MARCHF6: variants seen among roughly 807,000 people sequenced by gnomAD.
MARCHF6 encodes E3 ubiquitin-protein ligase MARCHF6.
MARCHF6 carries 31 observed loss-of-function variants against 133.7 expected under a neutral mutation model. The observed-to-expected ratio is 0.23, with a 90% CI of 0.17 to 0.31. The LOEUF (loss-of-function observed/expected upper bound fraction) is 0.31, where lower values mean the gene tolerates loss of function less well. Among genes scored for constraint, MARCHF6 ranks in the 10% least tolerant of loss-of-function variants. The probability of loss-of-function intolerance (pLI) is 1.00; values close to 1 mark genes in which losing one functional copy is unlikely to be tolerated. For synonymous variants in MARCHF6, 395 were observed against 402.5 expected (o/e 0.98, Z 0.22); for missense variants, 723 against 1,121.6 (o/e 0.64, Z 5.08).
At chr5:10,366,090 A>G (rs1486670103) in intron 1 of MARCHF6, among the ~76,000 whole-genome samples, 3 of 151,992 alleles carry the variant, frequency 2.0e-5, no homozygotes, top group African/African-American at 7.3e-5. Flanking sequence ...GTGCTGCCAT[A>G]CCTGGCTAGT....
rs1740698408 is a variant in MARCHF6 at position 10,437,487 on chromosome 5, C to G, written c.*3803C>G. 1 of 152,190 alleles carries G rather than the reference C, an allele frequency of 6.6e-6. No individual in the cohort carries two copies. Among genetic ancestry groups the G allele is most frequent in the Non-Finnish European group, 1.5e-5 (1 of 68,032 alleles). 9.4% of individuals were successfully genotyped at this position (152,190 alleles called of 1,614,324 possible). A position where few individuals can be genotyped will look rare whatever the true frequency, so the allele number is the denominator to read the frequency against. On this transcript the variant is annotated 3_prime_UTR_variant, in exon 26 of 26. Coordinates refer to ENST00000274140, the MANE Select transcript of MARCHF6 (RefSeq NM_005885.4). ...CTGTGCCATTTTTAAAAATAGCCAT[C>G]ATGAGTAAGGGCTTCTTTAAAATAA...
chr5:10,392,159 C>A (rs115634986), intron 7 of MARCHF6, among the ~76,000 whole-genome samples: 4,768 of 152,140 alleles, frequency 0.031, 238 homozygotes, highest in African/African-American at 0.11. Context: ...GGGGTTTCAC[C>A]GTGTTACCAG....
At chr5:10,415,146 A>G (rs866558745) in intron 20 of MARCHF6, among the ~76,000 whole-genome samples, 5 of 152,256 alleles carry the variant, frequency 3.3e-5, no homozygotes, top group African/African-American at 7.2e-5. Context: ...CTTTTGTCCT[A>G]TTATTTGCAT....
chr5:10,384,796 C>T (rs372815010), intron 4 of MARCHF6, among the ~76,000 whole-genome samples: 1 of 152,220 alleles, frequency 6.6e-6, no homozygotes, highest in African/African-American at 2.4e-5. Flanking sequence ...GCAGTATCTA[C>T]TGATGCTAAA....
intron 3 of MARCHF6, among the ~76,000 whole-genome samples, chr5:10,380,155 TTGTGTGTGTGTGTGTGTG>T (rs200405883): frequency 8.2e-5 from 12 of 145,752 alleles, no homozygotes; most frequent in Non-Finnish European, 1.5e-4. Flanking sequence ...TGTGTTTTAG[TTGTGTGTGTGTGTGTGTG>T]TGTGTGTGTG....
intron 19 of MARCHF6, chr5:10,413,441 G>GATCC (rs1001468996): frequency 2.0e-5 from 3 of 152,146 alleles, no homozygotes; most frequent in African/African-American, 7.2e-5. Flanking sequence ...GTCTTGTGGA[G>GATCC]ATCCACCTGG....
rs1310491145 is a variant in MARCHF6, at chr5:10,391,640, G to C, written c.675G>C (p.Gln225His). The C allele has an allele frequency of 6.2e-7, 1 of 1,611,780 alleles. No homozygotes were observed. Among genetic ancestry groups the C allele is most frequent in the African/African-American group, 1.3e-5 (1 of 74,710 alleles). The change falls in exon 7 of 26, where the codon CAG (glutamine) becomes CAC (histidine). Residue 225 changes from glutamine (Q) to histidine (H), a missense_variant. Around this residue, in one of 4 missense-constraint regions of MARCHF6, gnomAD observed 97 missense variants for 115.4 expected, o/e 0.84. Transcript: ENST00000274140. The part of the protein sequence containing the change: ...NAVVGENPDA[Q>H]DDQAEEEEED... ...TGGTGGGGGAAAACCCTGATGCCCA[G>C]GATGACCAGGCAGAAGAGGAGGAGG...
chr5:10,411,135 A>T (rs532427609), intron 18 of MARCHF6, among the ~76,000 whole-genome samples, 198 bp from the exon 19 acceptor site: 49 of 152,334 alleles, frequency 3.2e-4, no homozygotes, highest in African/African-American at 1.1e-3. Flanking sequence ...GGGATATCCT[A>T]CAAGTTCATT....
chr5:10,366,368 A>C (rs1736137538), intron 1 of MARCHF6, among the ~76,000 whole-genome samples: 1 of 152,254 alleles, frequency 6.6e-6, no homozygotes, highest in African/African-American at 2.4e-5. Context: ...ATTGTCTACT[A>C]TAATTGTAGC....
chr5:10,415,325 T>A lies in MARCHF6; in HGVS notation c.1967-163T>A. Reference sequence around the variant, plus strand: ...GTTGTGATTTCATCAAATTGTGTACTCTTTAGACATTGTGATTTTTGTCTT... The same window carrying A: ...GTTGTGATTTCATCAAATTGTGTACACTTTAGACATTGTGATTTTTGTCTT... On this transcript the variant is annotated intron_variant, in intron 20 of 25. Transcript: ENST00000274140. 2.6e-5 allele frequency: 17 copies of A among 653,658 alleles called. No homozygotes were observed. The South Asian group carries it at 3.2e-4, about 12-fold the overall frequency. The allele number at this position is 653,658 out of a possible 1,614,324, so 40.5% of individuals were successfully genotyped here.
chr5:10,429,864 C>T, intron 24 of MARCHF6, 29 bp from the exon 25 acceptor site: 2 of 1,597,680 alleles, frequency 1.3e-6, no homozygotes, highest in South Asian at 1.1e-5. Flanking sequence ...TTCACATACA[C>T]TGAAAGTTTT....
At chr5:10,385,623 G>A (rs558579128) in intron 4 of MARCHF6, among the ~76,000 whole-genome samples, 8 of 152,198 alleles carry the variant, frequency 5.3e-5, no homozygotes, top group African/African-American at 1.9e-4. Flanking sequence ...GTTAGCAAAT[G>A]GCTAACAAAA....
chr5:10,395,020 C>CG (rs1738101219), intron 9 of MARCHF6, among the ~76,000 whole-genome samples: 1 of 152,014 alleles, frequency 6.6e-6, no homozygotes, highest in African/African-American at 2.4e-5. Flanking sequence ...AGGATGGTCT[C>CG]GATCTCCTGA....
chr5:10,420,989 C>G (rs1328932771), intron 22 of MARCHF6, among the ~76,000 whole-genome samples: 2 of 150,126 alleles, frequency 1.3e-5, no homozygotes, highest in Admixed American at 6.6e-5. Context: ...TTCTAGCACT[C>G]TTACTGAGGG....
intron 1 of MARCHF6, among the ~76,000 whole-genome samples, chr5:10,359,085 A>G (rs1735655356): frequency 6.6e-6 from 1 of 152,224 alleles, no homozygotes; most frequent in Non-Finnish European, 1.5e-5. Flanking sequence ...GTATATGGTA[A>G]AAAGTATCTC....
In MARCHF6 at chr5:10,439,806, C is replaced by G. The variant is rs543182831; in HGVS notation, c.*6122C>G. ...ATGCTGGGCAAAACATGAAGCACCC[C>G]TTTTCTCCCTTCTCTGACCCCATCA... is the stretch of plus-strand genomic sequence containing the variant. On this transcript the variant is annotated 3_prime_UTR_variant, in exon 26 of 26. Transcript: ENST00000274140. 6.6e-6 allele frequency: 1 copy of G among 152,560 alleles called. No individual in the cohort carries two copies. Among genetic ancestry groups the G allele is most frequent in the Non-Finnish European group, 1.5e-5 (1 of 68,232 alleles). 9.5% of individuals were successfully genotyped at this position (152,560 alleles called of 1,614,324 possible).
intron 1 of MARCHF6, among the ~76,000 whole-genome samples, chr5:10,368,832 C>T (rs1386717959): frequency 1.3e-5 from 2 of 152,138 alleles, no homozygotes; most frequent in Non-Finnish European, 2.9e-5. Context: ...CATGGCCTCC[C>T]AAAGTGTTGG....
At position 10,386,976 on chromosome 5, in the gene MARCHF6, C is replaced by A; in HGVS notation, c.335-18C>A. ...GATGCGAGTTGTGACTGTGTGCCAT[C>A]ATGCTCTTTTTCGGTAGGCCGCATC... On this transcript the variant is annotated intron_variant, in intron 4 of 25. Coordinates refer to ENST00000274140, the MANE Select transcript of MARCHF6 (RefSeq NM_005885.4). 6.2e-7 allele frequency: 1 copy of A among 1,607,568 alleles called. No homozygotes were observed. Among genetic ancestry groups the A allele is most frequent in the Non-Finnish European group, 8.5e-7 (1 of 1,174,156 alleles).
intron 4 of MARCHF6, among the ~76,000 whole-genome samples, chr5:10,383,199 G>A (rs1282992744): frequency 6.6e-6 from 1 of 152,188 alleles, no homozygotes; most frequent in African/African-American, 2.4e-5. Context: ...GCTAGAAAAT[G>A]TATCAAGGAA....
Sources: allele counts gnomAD v4.1 joint callset (sites outside exome capture counted in the v4.1 genomes callset), GRCh38; gene constraint gnomAD v4.1.1; regional missense constraint gnomAD v4.1.1; transcripts MANE v1.5; gene names NCBI Gene and HGNC (gene_info 2026-07-23, HGNC 2026-07-21).